ERI1: variants seen among roughly 807,000 people sequenced by gnomAD.
The protein encoded by ERI1 is exoribonuclease 1.
Under a neutral mutation model 39.7 loss-of-function variants are expected in ERI1, and 39 were observed. That is an observed-to-expected ratio of 0.98 (90% confidence interval 0.76 to 1.28). The LOEUF (loss-of-function observed/expected upper bound fraction) is 1.28, where lower values mean the gene tolerates loss of function less well. Among genes scored for constraint, ERI1 ranks in the 50% most tolerant of loss-of-function variants. The probability of loss-of-function intolerance (pLI) is 0.00; values close to 1 mark genes in which losing one functional copy is unlikely to be tolerated. For synonymous variants in ERI1, 204 were observed against 149.6 expected (o/e 1.36, Z -2.65); for missense variants, 581 against 416.9 (o/e 1.39, Z -3.43).
chr8:9,078,638 A>T (rs1237164761), intron 3 of ERI1, among the ~76,000 whole-genome samples: 2 of 152,148 alleles, frequency 1.3e-5, no homozygotes, highest in Admixed American at 1.3e-4. Flanking sequence ...AGCCTTGTGG[A>T]AGCCAGAGAC....
chr8:9,062,322 C>T (rs1381591596), intron 3 of ERI1, among the ~76,000 whole-genome samples: 1 of 151,728 alleles, frequency 6.6e-6, no homozygotes, highest in African/African-American at 2.4e-5. Context: ...GCGAAGGAGG[C>T]TTTGAACTGG....
chr8:9,033,534 A>G (rs1797731819), downstream of ERI1, among the ~76,000 whole-genome samples: 1 of 150,816 alleles, frequency 6.6e-6, no homozygotes, highest in Non-Finnish European at 1.5e-5. Context: ...CAAACAAGAA[A>G]TGCGACTGTG....
intron 3 of ERI1, among the ~76,000 whole-genome samples, chr8:9,094,574 A>G (rs1325295826): frequency 6.6e-6 from 1 of 152,178 alleles, no homozygotes; most frequent in Non-Finnish European, 1.5e-5. Flanking sequence ...ATGAGTTTCC[A>G]GCAACCCAAC....
At chr8:9,045,845 A>G (rs922163382) in intron 3 of ERI1, among the ~76,000 whole-genome samples, 6 of 151,398 alleles carry the variant, frequency 4.0e-5, no homozygotes, top group African/African-American at 1.2e-4. Flanking sequence ...CCTGGCTAAT[A>G]TTTTTGTATT....
intron 3 of ERI1, among the ~76,000 whole-genome samples, chr8:9,015,581 G>A (rs1240988589): frequency 1.3e-5 from 2 of 152,018 alleles, no homozygotes. Flanking sequence ...GATCAGCCAG[G>A]CGTGGTGGCA....
intron 3 of ERI1, among the ~76,000 whole-genome samples, chr8:9,012,128 A>T (rs1402633290): frequency 6.6e-6 from 1 of 152,090 alleles, no homozygotes; most frequent in Non-Finnish European, 1.5e-5. Context: ...CATTTTTTTG[A>T]AGCTTTTCAG....
chr8:9,046,872 A>T (rs1798189655), intron 3 of ERI1, among the ~76,000 whole-genome samples: 1 of 152,210 alleles, frequency 6.6e-6, no homozygotes, highest in Non-Finnish European at 1.5e-5. Context: ...GTTTTGTGGC[A>T]CAGATGAGCT....
In ERI1 at chr8:9,029,969, AGT is replaced by A; in HGVS notation, c.990_991del (p.Ser331LeufsTer17). ...NEKMHAGQLMSVSSSLPIEGT... is the reference protein window; with the variant it reads ...NEKMHAGQLMXVSSSLPIEGT... The stretch of plus-strand genomic sequence containing the variant: ...GAAAATGCATGCAGGACAGCTAATG[AGT>A]GTGTCCTCTTCCTTACCAATAGAGG... On this transcript the variant is annotated frameshift_variant, in exon 7 of 7. Transcript: ENST00000250263. LOFTEE classifies it high-confidence loss of function. 1 of 1,614,128 alleles carries A rather than the reference AGT, an allele frequency of 6.2e-7. No homozygotes were observed. The highest frequency in any genetic ancestry group is 8.5e-7 in the Non-Finnish European group (1 of 1,179,974).
At chr8:9,039,717 A>C (rs114051357) in intron 3 of ERI1, among the ~76,000 whole-genome samples, 31 of 152,294 alleles carry the variant, frequency 2.0e-4, no homozygotes, top group African/African-American at 7.0e-4. Context: ...ATTAACTTTT[A>C]CTAGGATTAC....
intron 6 of ERI1, among the ~76,000 whole-genome samples, chr8:9,025,613 A>G (rs1022058911): frequency 6.6e-6 from 1 of 152,188 alleles, no homozygotes; most frequent in African/African-American, 2.4e-5. Flanking sequence ...ATTTTTAAAA[A>G]CACGATGAAG....
At chr8:9,017,707 C>T (rs1279014905) in intron 4 of ERI1, among the ~76,000 whole-genome samples, 1 of 152,146 alleles carries the variant, frequency 6.6e-6, no homozygotes, top group Non-Finnish European at 1.5e-5. Context: ...GGCAGACCTA[C>T]AGGTAGTTCA....
At chr8:9,066,426 G>T (rs970570373) in intron 3 of ERI1, among the ~76,000 whole-genome samples, 2 of 152,170 alleles carry the variant, frequency 1.3e-5, no homozygotes, top group Non-Finnish European at 2.9e-5. Flanking sequence ...AATAAAATGG[G>T]GACAATGCAA....
rs1473811897 is a variant in ERI1 at position 9,011,589 on chromosome 8, A to G, written c.335A>G (p.Lys112Arg). Residue 112 changes from lysine (K) to arginine (R), a missense_variant, in exon 3 of 7, where the codon AAG (lysine) becomes AGG (arginine). Physicochemically the swap from Lys to Arg is conservative, Grantham distance 26. Transcript: ENST00000250263. ...LKKRLKNYYK[K>R]QKLMLKESNF... ...AAGAGACTGAAAAACTATTATAAGA[A>G]GCAGAAGCTGATGCTGAAAGAGAGC... The G allele has an allele frequency of 6.2e-7, 1 of 1,613,350 alleles. No individual in the cohort carries two copies. Among genetic ancestry groups the G allele is most frequent in the African/African-American group, 1.3e-5 (1 of 75,010 alleles).
At chr8:9,069,800 T>C (rs562082287) in intron 3 of ERI1, among the ~76,000 whole-genome samples, 1 of 152,264 alleles carries the variant, frequency 6.6e-6, no homozygotes, top group East Asian at 1.9e-4. Context: ...ACAGGAGGAA[T>C]TATAGAGAAG....
chr8:9,080,164 TG>T (rs1229693025), intron 3 of ERI1, among the ~76,000 whole-genome samples: 2 of 152,156 alleles, frequency 1.3e-5, no homozygotes, highest in Admixed American at 1.3e-4. Flanking sequence ...CAGCGACTTG[TG>T]GTAATAGAAA....
At chr8:9,041,651 C>CCT (rs1585253247) in intron 3 of ERI1, among the ~76,000 whole-genome samples, 2 of 152,184 alleles carry the variant, frequency 1.3e-5, no homozygotes, top group East Asian at 3.8e-4. Context: ...AATAGAAACA[C>CCT]AGTGTACCAA....
At chr8:9,048,261 TG>T (rs1467995431) in intron 3 of ERI1, among the ~76,000 whole-genome samples, 1 of 141,858 alleles carries the variant, frequency 7.0e-6, no homozygotes, top group African/African-American at 2.4e-5. Context: ...GAGAGCAGCT[TG>T]GGCATAGGGA....
intron 3 of ERI1, among the ~76,000 whole-genome samples, chr8:9,099,676 C>T (rs556834299): frequency 1.1e-4 from 16 of 151,770 alleles, no homozygotes; most frequent in African/African-American, 2.7e-4. Context: ...CTCTTTTTCA[C>T]GTGGCTTTTG....
chr8:9,082,334 A>G (rs1799396430), intron 3 of ERI1, among the ~76,000 whole-genome samples: 1 of 152,224 alleles, frequency 6.6e-6, no homozygotes, highest in African/African-American at 2.4e-5. Flanking sequence ...GCTCACGTCC[A>G]GTAGACATGC....
Sources: allele counts gnomAD v4.1 joint callset (sites outside exome capture counted in the v4.1 genomes callset), GRCh38; gene constraint gnomAD v4.1.1; transcripts MANE v1.5; gene names NCBI Gene and HGNC (gene_info 2026-07-23, HGNC 2026-07-21).